The following TMEM132D variants were observed in gnomAD, a reference collection of about 807,000 sequenced individuals.
TMEM132D encodes transmembrane protein 132D, also known as mature OL transmembrane protein.
A neutral mutation model predicts 62.3 loss-of-function variants in TMEM132D; 21 were observed. That is an observed-to-expected ratio of 0.34 (90% CI 0.24 to 0.49). The LOEUF (loss-of-function observed/expected upper bound fraction) is 0.49. TMEM132D is among the 20% of genes least tolerant of loss of function. The pLI, the probability that TMEM132D is intolerant of heterozygous loss-of-function variation, is 0.99. For missense variants in TMEM132D, 1,346 were observed against 1,402.8 expected, an observed-to-expected ratio of 0.96 and a Z score of 0.65; for synonymous variants, 621 against 575.6, an observed-to-expected ratio of 1.08 and a Z score of -1.13.
chr12:129,868,583 G>T lies in TMEM132D; in HGVS notation c.79+34678C>A, dbSNP rs907014923. ...AACTCCATCTGCACAATTTCATGCA[G>T]CAGCAGCACCTGAGTTGATTCAACC... On this transcript the variant is annotated intron_variant, in intron 1 of 8. Transcript: ENST00000422113. 6.6e-5 allele frequency among the ~76,000 whole-genome samples: 10 copies of T among 152,172 alleles called. 1 individual carries two copies. The East Asian group carries it at 1.9e-3, about 29-fold the overall frequency.
intron 5 of TMEM132D, among the ~76,000 whole-genome samples, chr12:129,147,089 T>C (rs912925777): frequency 6.6e-6 from 1 of 152,074 alleles, no homozygotes. Context: ...CTGGAGGCAC[T>C]TGACCCAGAT....
intron 1 of TMEM132D, among the ~76,000 whole-genome samples, chr12:129,818,223 T>G (rs1414819561): frequency 2.7e-5 from 4 of 146,628 alleles, no homozygotes; most frequent in Non-Finnish European, 4.5e-5. Context: ...TGTATCTGTG[T>G]GTATGTGGTT....
At chr12:129,416,112 T>C (rs574638130) in intron 3 of TMEM132D, among the ~76,000 whole-genome samples, 23 of 152,340 alleles carry the variant, frequency 1.5e-4, no homozygotes, top group South Asian at 8.3e-4. Flanking sequence ...GGTAGCTTGA[T>C]GGGAATAGCA....
intron 3 of TMEM132D, among the ~76,000 whole-genome samples, chr12:129,387,282 T>C (rs1044701811): frequency 8.3e-6 from 1 of 120,366 alleles, no homozygotes; most frequent in African/African-American, 3.9e-5. Flanking sequence ...GTGCTAATAG[T>C]ATGTGCCAAT....
intron 5 of TMEM132D, among the ~76,000 whole-genome samples, chr12:129,149,582 C>A (rs968096634): frequency 6.6e-6 from 1 of 152,182 alleles, no homozygotes. Flanking sequence ...GTGTGCGGCA[C>A]CTCTCAGGGC....
chr12:129,693,266 T>G (rs1224750879), intron 2 of TMEM132D, among the ~76,000 whole-genome samples: 1 of 152,168 alleles, frequency 6.6e-6, no homozygotes, highest in African/African-American at 2.4e-5. Context: ...TGGGAAAATT[T>G]GAGCAACAAA....
chr12:129,699,732 C>T (rs191195169), intron 2 of TMEM132D, 78 bp downstream of exon 2: 2 of 1,555,940 alleles, frequency 1.3e-6, no homozygotes, highest in African/African-American at 2.7e-5. Flanking sequence ...GATAACACAG[C>T]TTTTCTGGTC....
At chr12:129,765,705 T>C (rs990302292) in intron 1 of TMEM132D, among the ~76,000 whole-genome samples, 2 of 152,226 alleles carry the variant, frequency 1.3e-5, no homozygotes. Flanking sequence ...TGTTTCAATA[T>C]CACCCATCTA....
intron 3 of TMEM132D, among the ~76,000 whole-genome samples, chr12:129,475,924 G>A (rs921655554): frequency 2.0e-5 from 3 of 152,232 alleles, no homozygotes; most frequent in Non-Finnish European, 2.9e-5. Context: ...CAATTTGACT[G>A]TATTAAAATT....
intron 3 of TMEM132D, chr12:129,521,400 A>T (rs1195552798): frequency 6.6e-6 from 1 of 152,218 alleles, no homozygotes; most frequent in Non-Finnish European, 1.5e-5. Context: ...ATGGCTGGTG[A>T]ACGGATCATT....
At chr12:129,165,691 T>TTTC (rs1555233888) in intron 5 of TMEM132D, among the ~76,000 whole-genome samples, 4 of 151,072 alleles carry the variant, frequency 2.6e-5, no homozygotes, top group Middle Eastern at 3.5e-3. Context: ...TTTTTTTTTT[T>TTTC]CCCCTACAAA....
chr12:129,720,874 T>C lies in TMEM132D; in HGVS notation c.80-20176A>G, dbSNP rs1593134482. On this transcript the variant is annotated intron_variant, in intron 1 of 8. Transcript: ENST00000422113. The stretch of plus-strand genomic sequence containing the variant: ...TCTAACAGAGATGAACTGAGTGGCC[T>C]CCCAGCCTGAGGGAAGGCAGTCTGC... Among the ~76,000 whole-genome samples, 3 of 152,214 alleles carry C rather than the reference T, an allele frequency of 2.0e-5. No individual in the cohort carries two copies. In the South Asian group the frequency reaches 6.2e-4, roughly 31 times the overall value.
intron 5 of TMEM132D, among the ~76,000 whole-genome samples, chr12:129,159,852 T>C (rs1397889175): frequency 6.6e-6 from 1 of 151,664 alleles, no homozygotes; most frequent in African/African-American, 2.4e-5. Flanking sequence ...GGAGGGAGGC[T>C]GCCTCCTCCA....
intron 3 of TMEM132D, among the ~76,000 whole-genome samples, chr12:129,410,285 C>A (rs7308553): frequency 9.1e-4 from 139 of 152,306 alleles, no homozygotes; most frequent in African/African-American, 3.2e-3. Flanking sequence ...TTAGTGTATT[C>A]GTCCATTCTC....
intron 5 of TMEM132D, among the ~76,000 whole-genome samples, chr12:129,120,247 G>C (rs1876017976): frequency 1.3e-5 from 2 of 152,156 alleles, no homozygotes. Context: ...ACAGTCTATG[G>C]GGGCAAGAGC....
rs183804251 is a variant in TMEM132D at position 129,525,012 on chromosome 12, G to A, written c.1115+6047C>T. Among the ~76,000 whole-genome samples the A allele has an allele frequency of 1.5e-4, 18 of 122,358 alleles. No homozygotes were observed. In the East Asian group the frequency reaches 2.7e-3, roughly 19 times the overall value. The allele number at this position is 122,358 out of a possible 152,430, so 80.3% of individuals were successfully genotyped here. On this transcript the variant is annotated intron_variant, in intron 3 of 8. Transcript: ENST00000422113. ...GCGATCTTGGCTCACTGCAAGCTCC[G>A]CCTCCCGGGTTCAAGCGACTCCCCT... is the stretch of plus-strand genomic sequence containing the variant.
chr12:129,135,249 C>G (rs887801841), intron 5 of TMEM132D, among the ~76,000 whole-genome samples: 3 of 152,174 alleles, frequency 2.0e-5, no homozygotes, highest in African/African-American at 7.2e-5. Context: ...ATATATAAAC[C>G]AACATATTCC....
intron 2 of TMEM132D, among the ~76,000 whole-genome samples, chr12:129,561,687 T>G (rs1486334085): frequency 6.6e-6 from 1 of 152,042 alleles, no homozygotes; most frequent in Non-Finnish European, 1.5e-5. Flanking sequence ...TGAAAGAAGA[T>G]TAAAATTAAA....
intron 3 of TMEM132D, among the ~76,000 whole-genome samples, chr12:129,440,842 G>C (rs1011100336): frequency 8.5e-5 from 13 of 152,190 alleles, no homozygotes; most frequent in African/African-American, 3.1e-4. Flanking sequence ...CTGAGAGAAT[G>C]GAGACTAATG....
Sources: gnomAD v4.1 joint callset for allele counts (sites outside exome capture counted in the v4.1 genomes callset) on GRCh38, gnomAD v4.1.1 for gene constraint, MANE v1.5 for transcripts, NCBI Gene and HGNC (gene_info 2026-07-23, HGNC 2026-07-21) for gene names.